Variants in RAD51B observed in about 807,000 individuals in gnomAD.
RAD51B encodes RAD51 paralog B, also known as DNA repair protein RAD51 homolog 2.
A neutral mutation model predicts 42.2 loss-of-function variants in RAD51B; 38 were observed. The ratio of observed to expected loss-of-function variants is 0.90; its 90% CI spans 0.70 to 1.18. RAD51B has a LOEUF of 1.18. Among genes scored for constraint, RAD51B ranks in the 50% most tolerant of loss-of-function variants. The pLI is 0.00. For synonymous variants in RAD51B, 154 were observed against 145.2 expected, an observed-to-expected ratio of 1.06 and a Z score of -0.43; for missense variants, 373 against 400.7, an observed-to-expected ratio of 0.93 and a Z score of 0.59.
At chr14:68,307,081 C>T (rs143076427) in intron 8 of RAD51B, among the ~76,000 whole-genome samples, 2,197 of 151,546 alleles carry the variant, frequency 0.014, 49 homozygotes, top group African/African-American at 0.049. Context: ...TAATACAGGG[C>T]GCTTTTGTCT....
chr14:68,250,181 T>A (rs1371716078), intron 7 of RAD51B, among the ~76,000 whole-genome samples: 1 of 152,264 alleles, frequency 6.6e-6, no homozygotes, highest in Non-Finnish European at 1.5e-5. Context: ...TAAGATATTT[T>A]TGCTGTTGTT....
At chr14:68,542,596 A>G (rs557556873) in intron 10 of RAD51B, among the ~76,000 whole-genome samples, 1 of 152,226 alleles carries the variant, frequency 6.6e-6, no homozygotes, top group African/African-American at 2.4e-5. Context: ...TTGCCACAAG[A>G]TATCTCATGA....
intron 10 of RAD51B, among the ~76,000 whole-genome samples, chr14:68,572,180 C>A (rs1566941684): frequency 6.6e-6 from 1 of 152,224 alleles, no homozygotes; most frequent in African/African-American, 2.4e-5. Flanking sequence ...GTCTGGCCAA[C>A]CTTTTGAGAT....
intron 7 of RAD51B, among the ~76,000 whole-genome samples, chr14:67,911,479 T>C (rs570699877): frequency 1.3e-5 from 2 of 152,226 alleles, no homozygotes; most frequent in Middle Eastern, 3.4e-3. Context: ...GAGTTGTTGT[T>C]TGTTTTCTTG....
chr14:68,617,596 C>T lies in RAD51B; in HGVS notation c.1037-33185C>T, dbSNP rs954150474. On this transcript the variant is annotated intron_variant, in intron 10 of 11. Transcript: ENST00000488612. The stretch of plus-strand genomic sequence containing the variant: ...CCCCACAGTTTCCAACTACAGTCTC[C>T]TTGACCTTCATTTCTGTATTTTAAC... Among the ~76,000 whole-genome samples the T allele has an allele frequency of 2.6e-5, 4 of 152,130 alleles. No individual in the cohort carries two copies. The South Asian group carries it at 8.3e-4, about 32-fold the overall frequency.
At chr14:68,564,027 C>A in intron 10 of RAD51B, 2 of 780,010 alleles carry the variant, frequency 2.6e-6, no homozygotes, top group Non-Finnish European at 3.1e-6. Flanking sequence ...TTCGGAACAG[C>A]TGGCCGCACT....
intron 7 of RAD51B, among the ~76,000 whole-genome samples, chr14:68,083,027 G>A (rs2076935434): frequency 6.6e-6 from 1 of 152,110 alleles, no homozygotes; most frequent in Non-Finnish European, 1.5e-5. Flanking sequence ...AACTCTTACT[G>A]TCAGACTAGA....
At chr14:68,092,716 A>G (rs10145501) in intron 7 of RAD51B, among the ~76,000 whole-genome samples, 42,023 of 151,852 alleles carry the variant, frequency 0.28, 7,899 homozygotes, top group African/African-American at 0.54. Flanking sequence ...GATTGCCCTG[A>G]CCAGAACTTC....
chr14:68,589,595 C>G (rs1788256334), intron 10 of RAD51B, among the ~76,000 whole-genome samples: 1 of 152,218 alleles, frequency 6.6e-6, no homozygotes, highest in African/African-American at 2.4e-5. Context: ...TGCACGTATG[C>G]TGGTCCCAGG....
chr14:68,237,300 T>C (rs1304988544), intron 7 of RAD51B, among the ~76,000 whole-genome samples: 1 of 152,178 alleles, frequency 6.6e-6, no homozygotes, highest in Non-Finnish European at 1.5e-5. Context: ...TGCTGTTAAC[T>C]GAAGCAATGA....
chr14:68,137,553 G>A (rs1158825867), intron 7 of RAD51B, among the ~76,000 whole-genome samples: 1 of 152,044 alleles, frequency 6.6e-6, no homozygotes, highest in Non-Finnish European at 1.5e-5. Context: ...TAAATGAATC[G>A]AAATCTTATG....
At chr14:67,911,247 T>C (rs2043969494) in intron 7 of RAD51B, among the ~76,000 whole-genome samples, 2 of 152,214 alleles carry the variant, frequency 1.3e-5, no homozygotes, top group South Asian at 4.1e-4. Flanking sequence ...GTCCTTTGCA[T>C]TGAAATGGTG....
At chr14:68,255,445 T>G (rs1441035032) in intron 7 of RAD51B, among the ~76,000 whole-genome samples, 2 of 152,222 alleles carry the variant, frequency 1.3e-5, no homozygotes, top group Non-Finnish European at 2.9e-5. Context: ...CAAGTCCTAC[T>G]TTCATACCTT....
chr14:68,532,714 A>G lies in RAD51B; in HGVS notation c.1037-61771A>G, dbSNP rs115834177. Among the ~76,000 whole-genome samples the G allele has an allele frequency of 7.7e-4, 117 of 152,282 alleles. 3 individuals are homozygous for G. Among genetic ancestry groups the G allele is most frequent in the African/African-American group, 2.7e-3 (113 of 41,574 alleles). On this transcript the variant is annotated intron_variant, in intron 10 of 10. Coordinates refer to the RAD51B transcript ENST00000487270. ...TGTTTGAGAGTGTAGAAGAAAAGGG[A>G]AAGTGACTCATCTTATTAGGCACTT...
rs1555383057 is a variant in RAD51B, at chr14:68,260,319, G to GTGTGTGTGTGTGTGTGTGT, written c.757-31565_757-31564insTGTGTGTGTGTGTGTGTGT. On this transcript the variant is annotated intron_variant, in intron 7 of 10. Coordinates refer to ENST00000471583, the MANE Select transcript of RAD51B (RefSeq NM_133510.4). ...AGACCGTGTGTGTGTGTGTGTGTGT[G>GTGTGTGTGTGTGTGTGTGT]GAGAGGGGAAGACAGCGGGGGTAGA... Among the ~76,000 whole-genome samples, 76 of 136,156 alleles carry GTGTGTGTGTGTGTGTGTGT rather than the reference G, an allele frequency of 5.6e-4. 4 individuals carry two copies. Among genetic ancestry groups the GTGTGTGTGTGTGTGTGTGT allele is most frequent in the African/African-American group, 1.2e-3 (36 of 28,862 alleles). The allele number at this position is 136,156 out of a possible 152,430, so 89.3% of individuals were successfully genotyped here.
At chr14:67,943,238 C>T (rs1256972718) in intron 7 of RAD51B, among the ~76,000 whole-genome samples, 4 of 152,122 alleles carry the variant, frequency 2.6e-5, no homozygotes, top group African/African-American at 9.7e-5. Flanking sequence ...ACAAACATCA[C>T]TTATTTAGAT....
At chr14:68,029,667 T>G (rs1402496926) in intron 7 of RAD51B, among the ~76,000 whole-genome samples, 1 of 152,250 alleles carries the variant, frequency 6.6e-6, no homozygotes, top group South Asian at 2.1e-4. Context: ...AGCTGGAATC[T>G]TCTTCACTCC....
rs188638085 is a variant in RAD51B, at chr14:68,120,772, G to T, written c.757-171112G>T. 2.0e-3 allele frequency among the ~76,000 whole-genome samples: 305 copies of T among 152,048 alleles called. 2 individuals carry two copies. Among genetic ancestry groups the T allele is most frequent in the Non-Finnish European group, 2.9e-3 (200 of 67,990 alleles). On this transcript the variant is annotated intron_variant, in intron 7 of 10. Transcript: ENST00000471583. ...TGTCTGCTATCCTCCCAACTCTCTT[G>T]CCATGTGCCCATTTAGAACCCAGGC...
intron 7 of RAD51B, among the ~76,000 whole-genome samples, chr14:67,959,575 C>T (rs2074618767): frequency 6.6e-6 from 1 of 152,012 alleles, no homozygotes. Flanking sequence ...TTATGTTAGC[C>T]TTGAAAAATA....
Sources: allele counts gnomAD v4.1 joint callset (sites outside exome capture counted in the v4.1 genomes callset), GRCh38; gene constraint gnomAD v4.1.1; transcripts MANE v1.5; gene names NCBI Gene and HGNC (gene_info 2026-07-23, HGNC 2026-07-21).